Variants in ASTN2 observed in about 807,000 individuals in gnomAD.
The protein encoded by ASTN2 is astrotactin-2.
In ASTN2, 54 loss-of-function variants were observed where a neutral mutation model predicts 139.8. The ratio of observed to expected loss-of-function variants is 0.39; its 90% CI spans 0.31 to 0.48. The LOEUF (loss-of-function observed/expected upper bound fraction) is 0.48, where lower values mean the gene tolerates loss of function less well. ASTN2 is among the 20% of genes least tolerant of loss of function. The probability of loss-of-function intolerance (pLI) is 0.95; values close to 1 mark genes in which losing one functional copy is unlikely to be tolerated. For missense variants in ASTN2, 1,565 were observed against 1,725.1 expected (o/e 0.91, Z 1.64); for synonymous variants, 756 against 719.5 (o/e 1.05, Z -0.81).
intron 5 of ASTN2, among the ~76,000 whole-genome samples, chr9:117,063,524 G>A (rs1564408427): frequency 6.6e-6 from 1 of 152,136 alleles, no homozygotes; most frequent in Non-Finnish European, 1.5e-5. Flanking sequence ...CTTCCACCAT[G>A]ACTGTGAGGC....
intron 11 of ASTN2, among the ~76,000 whole-genome samples, chr9:116,853,655 C>T (rs1832667923): frequency 6.6e-6 from 1 of 152,210 alleles, no homozygotes; most frequent in South Asian, 2.1e-4. Flanking sequence ...ATCAGAGACC[C>T]TTTAGGCCAA....
intron 10 of ASTN2, among the ~76,000 whole-genome samples, chr9:116,937,057 A>G (rs978324978): frequency 6.6e-6 from 1 of 152,156 alleles, no homozygotes; most frequent in African/African-American, 2.4e-5. Flanking sequence ...GTAACTTATG[A>G]GAGGATCCTG....
chr9:116,529,017 TGGGGTTG>T (rs1303673747), intron 19 of ASTN2, among the ~76,000 whole-genome samples: 1 of 152,184 alleles, frequency 6.6e-6, no homozygotes, highest in African/African-American at 2.4e-5. Flanking sequence ...AGGGGAAATG[TGGGGTTG>T]GAGCCCTTAC....
intron 4 of ASTN2, among the ~76,000 whole-genome samples, chr9:117,128,013 T>C (rs984862269): frequency 1.1e-4 from 17 of 150,820 alleles, no homozygotes; most frequent in African/African-American, 4.1e-4. Context: ...GAACAGGGAG[T>C]TAGGGAATAA....
intron 3 of ASTN2, among the ~76,000 whole-genome samples, chr9:117,200,124 G>T (rs544888248): frequency 6.6e-6 from 1 of 150,868 alleles, no homozygotes; most frequent in African/African-American, 2.4e-5. Flanking sequence ...GTACATGTGC[G>T]CAATGTGCAG....
chr9:117,294,329 G>C (rs207470530), intron 1 of ASTN2, among the ~76,000 whole-genome samples: 1 of 152,260 alleles, frequency 6.6e-6, no homozygotes, highest in Non-Finnish European at 1.5e-5. Context: ...GATAATAACA[G>C]TGTGTGAAAC....
At chr9:116,715,996 G>A (rs916583628) in intron 16 of ASTN2, among the ~76,000 whole-genome samples, 5 of 152,168 alleles carry the variant, frequency 3.3e-5, no homozygotes, top group Admixed American at 2.6e-4. Flanking sequence ...AGGCCATTTT[G>A]TTCTCATTAA....
At chr9:116,645,468 T>C (rs764833338) in intron 17 of ASTN2, among the ~76,000 whole-genome samples, 15 of 152,078 alleles carry the variant, frequency 9.9e-5, no homozygotes, top group Non-Finnish European at 2.1e-4. Flanking sequence ...GGAATGTACC[T>C]AAGGAGACCC....
chr9:116,854,778 A>C (rs1358683777), intron 11 of ASTN2, among the ~76,000 whole-genome samples: 1 of 151,256 alleles, frequency 6.6e-6, no homozygotes, highest in Non-Finnish European at 1.5e-5. Flanking sequence ...CAGCCTCCTG[A>C]GTAGCTGGGA....
chr9:116,897,246 G>A (rs183149021), intron 10 of ASTN2, among the ~76,000 whole-genome samples: 5 of 152,304 alleles, frequency 3.3e-5, no homozygotes, highest in Non-Finnish European at 7.4e-5. Context: ...GCGAAGGACT[G>A]CAAGATCAAG....
At chr9:117,239,533 A>G (rs1187992533) in intron 2 of ASTN2, among the ~76,000 whole-genome samples, 1 of 152,322 alleles carries the variant, frequency 6.6e-6, no homozygotes, top group Non-Finnish European at 1.5e-5. Context: ...TGTTAAGAAT[A>G]ATAATAAAGA....
At chr9:116,439,204 T>TTTTTTTTTTTTTTTG (rs1847757434) in intron 22 of ASTN2, among the ~76,000 whole-genome samples, 1 of 102,350 alleles carries the variant, frequency 9.8e-6, no homozygotes, top group Admixed American at 1.1e-4. Flanking sequence ...ATTTTTTTTT[T>TTTTTTTTTTTTTTTG]TTTTTTTTTT....
At chr9:116,867,534 A>T (rs1833046807) in intron 10 of ASTN2, among the ~76,000 whole-genome samples, 1 of 130,982 alleles carries the variant, frequency 7.6e-6, no homozygotes, top group East Asian at 2.4e-4. Context: ...TGGGCGACAG[A>T]GCGAGACTCT....
At chr9:117,020,768 T>C (rs555346966) in intron 6 of ASTN2, among the ~76,000 whole-genome samples, 3 of 152,286 alleles carry the variant, frequency 2.0e-5, no homozygotes, top group South Asian at 4.1e-4. Flanking sequence ...TAAAATGGCA[T>C]CTCTAAGCAC....
chr9:117,232,841 T>C (rs1309808571), intron 2 of ASTN2, among the ~76,000 whole-genome samples: 1 of 152,152 alleles, frequency 6.6e-6, no homozygotes, highest in Non-Finnish European at 1.5e-5. Context: ...TTTTCCCCCT[T>C]TTATCCATAC....
chr9:117,163,388 G>C (rs1020150053), intron 3 of ASTN2, among the ~76,000 whole-genome samples: 2 of 152,060 alleles, frequency 1.3e-5, no homozygotes, highest in African/African-American at 4.8e-5. Context: ...CAGGGGCAGA[G>C]GAAAAACTAA....
At chr9:116,786,749 T>G (rs1830389382) in intron 13 of ASTN2, among the ~76,000 whole-genome samples, 1 of 152,190 alleles carries the variant, frequency 6.6e-6, no homozygotes, top group African/African-American at 2.4e-5. Context: ...CTGATATGGT[T>G]TGGCTGTGTC....
chr9:116,952,416 T>C (rs368925875), intron 10 of ASTN2, among the ~76,000 whole-genome samples: 2 of 152,340 alleles, frequency 1.3e-5, no homozygotes, highest in East Asian at 3.9e-4. Context: ...TTCATTCCTG[T>C]TCATTTCCTG....
chr9:117,032,396 C>T (rs150582688), intron 6 of ASTN2, among the ~76,000 whole-genome samples: 18 of 152,216 alleles, frequency 1.2e-4, no homozygotes, highest in African/African-American at 4.1e-4. Flanking sequence ...ACAGAACTTC[C>T]ACCCATAAGC....
Sources: gnomAD v4.1 joint callset for allele counts (sites outside exome capture counted in the v4.1 genomes callset) on GRCh38, gnomAD v4.1.1 for gene constraint, MANE v1.5 for transcripts, NCBI Gene and HGNC (gene_info 2026-07-23, HGNC 2026-07-21) for gene names.